The following SGCZ variants were observed in gnomAD, a reference collection of about 807,000 sequenced individuals.
SGCZ encodes sarcoglycan zeta, also known as zeta-sarcoglycan.
In SGCZ, 40 loss-of-function variants were observed where a neutral mutation model predicts 41.3. The ratio of observed to expected loss-of-function variants is 0.97; its 90% CI spans 0.75 to 1.26. The LOEUF (loss-of-function observed/expected upper bound fraction) is 1.26. Ranked by LOEUF, SGCZ falls within the 50% of genes most tolerant of loss-of-function variation. The pLI is 0.00. For missense variants in SGCZ, 552 were observed against 369.8 expected, an observed-to-expected ratio of 1.49 and a Z score of -4.04; for synonymous variants, 206 against 137.5, an observed-to-expected ratio of 1.50 and a Z score of -3.49.
chr8:14,250,528 G>C (rs1400380799), intron 3 of SGCZ, among the ~76,000 whole-genome samples: 1 of 152,140 alleles, frequency 6.6e-6, no homozygotes, highest in East Asian at 1.9e-4. Flanking sequence ...AAAACCTGCA[G>C]TGTGCTAGCC....
At chr8:15,201,405 T>C (rs1288147776) in intron 1 of SGCZ, among the ~76,000 whole-genome samples, 1 of 152,190 alleles carries the variant, frequency 6.6e-6, no homozygotes. Flanking sequence ...CATCTGTAAT[T>C]ATACATAATA....
At chr8:14,845,308 C>G (rs77653017) in intron 1 of SGCZ, among the ~76,000 whole-genome samples, 1 of 152,040 alleles carries the variant, frequency 6.6e-6, no homozygotes. Flanking sequence ...TCCAGACATG[C>G]CTAACAATTC....
chr8:14,359,836 T>G (rs1024963046), intron 2 of SGCZ, among the ~76,000 whole-genome samples: 5 of 148,224 alleles, frequency 3.4e-5, no homozygotes, highest in Admixed American at 1.3e-4. Context: ...AAAACAAATA[T>G]CCCGGATGAA....
chr8:14,485,293 G>A (rs1486680370), intron 2 of SGCZ, among the ~76,000 whole-genome samples: 2 of 152,148 alleles, frequency 1.3e-5, no homozygotes, highest in African/African-American at 4.8e-5. Flanking sequence ...CTGGAATGCA[G>A]TGGCATGATC....
chr8:14,171,529 T>C (rs1804381584), intron 4 of SGCZ, among the ~76,000 whole-genome samples: 1 of 152,042 alleles, frequency 6.6e-6, no homozygotes, highest in Non-Finnish European at 1.5e-5. Flanking sequence ...TCAAATTTTT[T>C]CTCTATTTTA....
intron 1 of SGCZ, among the ~76,000 whole-genome samples, chr8:15,000,191 C>T (rs1303409539): frequency 6.6e-6 from 1 of 152,124 alleles, no homozygotes; most frequent in Non-Finnish European, 1.5e-5. Flanking sequence ...GGAGAGAGTC[C>T]TGTAGGAAAC....
intron 2 of SGCZ, among the ~76,000 whole-genome samples, chr8:14,543,063 T>C (rs1803518996): frequency 1.3e-5 from 2 of 151,932 alleles, no homozygotes; most frequent in South Asian, 4.1e-4. Context: ...TTTACTTTAA[T>C]CTGTCTGTTC....
At chr8:14,244,666 C>A (rs1007804338) in intron 3 of SGCZ, among the ~76,000 whole-genome samples, 7 of 151,510 alleles carry the variant, frequency 4.6e-5, no homozygotes, top group Non-Finnish European at 8.8e-5. Flanking sequence ...GGCATAGAAT[C>A]TATAAATTAT....
intron 5 of SGCZ, among the ~76,000 whole-genome samples, chr8:14,154,350 C>T (rs965632275): frequency 2.6e-5 from 4 of 151,232 alleles, no homozygotes; most frequent in South Asian, 2.1e-4. Flanking sequence ...GCCTGAGCGA[C>T]ATAGCAAGAC....
At chr8:14,948,562 T>C (rs149508129) in intron 1 of SGCZ, among the ~76,000 whole-genome samples, 1 of 152,204 alleles carries the variant, frequency 6.6e-6, no homozygotes, top group Non-Finnish European at 1.5e-5. Flanking sequence ...AGCCTGGTAG[T>C]CTTGACTTCC....
chr8:14,975,197 T>G (rs370673787), intron 1 of SGCZ, among the ~76,000 whole-genome samples: 1 of 152,026 alleles, frequency 6.6e-6, no homozygotes, highest in Non-Finnish European at 1.5e-5. Flanking sequence ...CCCCAGCTAC[T>G]TGGGAGGCTG....
chr8:14,966,884 A>T (rs531081658), intron 1 of SGCZ, among the ~76,000 whole-genome samples: 2 of 152,242 alleles, frequency 1.3e-5, no homozygotes, highest in Admixed American at 1.3e-4. Flanking sequence ...TTAAACTACA[A>T]TTGAGGTCAA....
At chr8:14,503,596 A>C (rs1359385666) in intron 2 of SGCZ, among the ~76,000 whole-genome samples, 1 of 151,944 alleles carries the variant, frequency 6.6e-6, no homozygotes, top group Non-Finnish European at 1.5e-5. Flanking sequence ...GCTAAGTCCC[A>C]ATCTCTACTG....
intron 3 of SGCZ, among the ~76,000 whole-genome samples, chr8:14,295,436 T>G (rs72603995): frequency 3.4e-4 from 52 of 152,052 alleles, no homozygotes; most frequent in African/African-American, 1.0e-3. Flanking sequence ...CAATACAGAG[T>G]ATAATTTACA....
rs765462516 is a variant in SGCZ, at chr8:14,926,309, T to G, written c.39+311276A>C. 1.1e-3 allele frequency among the ~76,000 whole-genome samples: 175 copies of G among 152,324 alleles called. 2 individuals carry two copies. Among genetic ancestry groups the G allele is most frequent in the Middle Eastern group, 3.4e-3 (1 of 294 alleles). On this transcript the variant is annotated intron_variant, in intron 1 of 7. Coordinates refer to ENST00000382080, the MANE Select transcript of SGCZ (RefSeq NM_139167.4). ...GAAAAAATATTGTCATCATGTTTCA[T>G]TTGCACAAATTGTTATATCTAATCT...
intron 2 of SGCZ, among the ~76,000 whole-genome samples, chr8:14,418,243 G>T (rs891563732): frequency 6.6e-6 from 1 of 151,858 alleles, no homozygotes; most frequent in Non-Finnish European, 1.5e-5. Context: ...TCATGACTTG[G>T]GCTATTAGAA....
At chr8:14,588,391 T>C (rs1284165419) in intron 1 of SGCZ, among the ~76,000 whole-genome samples, 3 of 152,094 alleles carry the variant, frequency 2.0e-5, no homozygotes, top group Admixed American at 1.3e-4. Flanking sequence ...ATTTATGATA[T>C]AGGTAAACAC....
At chr8:14,834,159 T>A (rs1280766008) in intron 1 of SGCZ, among the ~76,000 whole-genome samples, 3 of 152,178 alleles carry the variant, frequency 2.0e-5, no homozygotes, top group Non-Finnish European at 4.4e-5. Context: ...TAAATTGGTA[T>A]TTTGTAATTG....
chr8:14,567,607 C>T (rs913147605), intron 1 of SGCZ, among the ~76,000 whole-genome samples: 1 of 152,152 alleles, frequency 6.6e-6, no homozygotes, highest in Non-Finnish European at 1.5e-5. Context: ...CTGCCTAAGC[C>T]AGCAGTGGCA....
Sources: allele counts gnomAD v4.1 joint callset (sites outside exome capture counted in the v4.1 genomes callset), GRCh38; gene constraint gnomAD v4.1.1; transcripts MANE v1.5; gene names NCBI Gene and HGNC (gene_info 2026-07-23, HGNC 2026-07-21).